PPFIA2: variants seen among roughly 807,000 people sequenced by gnomAD.
PPFIA2 encodes liprin-alpha-2.
Under a neutral mutation model 175.5 loss-of-function variants are expected in PPFIA2, and 46 were observed. The observed-to-expected ratio is 0.26, with a 90% CI of 0.21 to 0.34. PPFIA2 has a LOEUF of 0.34. Ranked by LOEUF, PPFIA2 falls within the 10% of genes least tolerant of loss-of-function variation. The pLI is 1.00. For synonymous variants in PPFIA2, 568 were observed against 511.4 expected (o/e 1.11, Z -1.49); for missense variants, 1,179 against 1,506.1 (o/e 0.78, Z 3.60).
At chr12:81,319,842 A>G (rs2053263139) in intron 22 of PPFIA2, among the ~76,000 whole-genome samples, 1 of 151,822 alleles carries the variant, frequency 6.6e-6, no homozygotes, top group Non-Finnish European at 1.5e-5. Flanking sequence ...TGTTTCTGTA[A>G]TCTGTGAGAT....
chr12:81,300,035 T>G (rs2047429714), intron 22 of PPFIA2, among the ~76,000 whole-genome samples: 1 of 152,206 alleles, frequency 6.6e-6, no homozygotes, highest in East Asian at 1.9e-4. Flanking sequence ...CACTACTGTT[T>G]TAATGAAATT....
At chr12:81,271,659 T>A (rs1425755255) in intron 28 of PPFIA2, among the ~76,000 whole-genome samples, 1 of 152,218 alleles carries the variant, frequency 6.6e-6, no homozygotes, top group Admixed American at 6.5e-5. Context: ...GAGTCTACTA[T>A]AAATTATTCC....
intron 3 of PPFIA2, among the ~76,000 whole-genome samples, chr12:81,680,397 C>T (rs2073384914): frequency 6.6e-6 from 1 of 151,890 alleles, no homozygotes; most frequent in Non-Finnish European, 1.5e-5. Flanking sequence ...TATCATAGAG[C>T]TATTAAGAAA....
At chr12:81,637,856 T>C (rs773279747) in intron 4 of PPFIA2, among the ~76,000 whole-genome samples, 2 of 152,244 alleles carry the variant, frequency 1.3e-5, no homozygotes, top group Non-Finnish European at 2.9e-5. Flanking sequence ...AAAAGCACAG[T>C]TTCAAATTAT....
At chr12:81,340,164 C>T (rs10862296) in intron 20 of PPFIA2, among the ~76,000 whole-genome samples, 54,450 of 151,754 alleles carry the variant, frequency 0.36, 10,641 homozygotes, top group East Asian at 0.54. Context: ...TTGAAATATA[C>T]TCTTTTTTGG....
chr12:81,275,557 A>G (rs1479944877), intron 28 of PPFIA2, among the ~76,000 whole-genome samples: 1 of 152,216 alleles, frequency 6.6e-6, no homozygotes, highest in East Asian at 1.9e-4. Flanking sequence ...AATATATACT[A>G]CTTTCTTATC....
chr12:81,321,271 G>T (rs142560419), intron 22 of PPFIA2, among the ~76,000 whole-genome samples: 3 of 152,174 alleles, frequency 2.0e-5, no homozygotes, highest in African/African-American at 7.2e-5. Flanking sequence ...TAAGGAATTT[G>T]CCACTTGCCC....
At chr12:81,362,915 T>A (rs1413531403) in intron 14 of PPFIA2, 131 bp from the exon 15 acceptor site, 1 of 511,822 alleles carries the variant, frequency 2.0e-6, no homozygotes, top group African/African-American at 1.9e-5. Context: ...TTACACATAA[T>A]AATAAAGCAC....
At chr12:81,594,290 C>T (rs958247538) in intron 4 of PPFIA2, among the ~76,000 whole-genome samples, 2 of 152,084 alleles carry the variant, frequency 1.3e-5, no homozygotes, top group Non-Finnish European at 2.9e-5. Flanking sequence ...TGTTTCCAAA[C>T]CTATAGTAAA....
At chr12:81,469,037 T>C (rs914614510) in intron 4 of PPFIA2, among the ~76,000 whole-genome samples, 3 of 152,168 alleles carry the variant, frequency 2.0e-5, no homozygotes, top group Non-Finnish European at 4.4e-5. Flanking sequence ...TAGAGGCGTA[T>C]GAGAGTTCTG....
chr12:81,340,510 C>T (rs142450032), intron 20 of PPFIA2, among the ~76,000 whole-genome samples: 135 of 152,126 alleles, frequency 8.9e-4, no homozygotes, highest in African/African-American at 3.1e-3. Flanking sequence ...ATGGATAAGA[C>T]AGTATAAAGA....
At chr12:81,660,744 G>A (rs193124652) in intron 4 of PPFIA2, among the ~76,000 whole-genome samples, 184 of 152,228 alleles carry the variant, frequency 1.2e-3, no homozygotes, top group Non-Finnish European at 1.4e-3. Context: ...ACACATAATC[G>A]TCAGATTCAC....
chr12:81,463,222 A>AG (rs1291255279), intron 4 of PPFIA2, among the ~76,000 whole-genome samples: 1 of 152,128 alleles, frequency 6.6e-6, no homozygotes, highest in African/African-American at 2.4e-5. Context: ...TGAGTGAAAA[A>AG]GGTAAGAAAC....
intron 5 of PPFIA2, among the ~76,000 whole-genome samples, chr12:81,450,089 G>T (rs1230049972): frequency 6.6e-6 from 1 of 152,098 alleles, no homozygotes; most frequent in Admixed American, 6.5e-5. Context: ...GAATAGTGCT[G>T]CAATAAACAT....
rs528196499 is a variant in PPFIA2 at position 81,584,778 on chromosome 12, TA to T, written c.303+92012del. 7.6e-4 allele frequency among the ~76,000 whole-genome samples: 104 copies of T among 136,258 alleles called. 4 individuals carry two copies. The South Asian group carries it at 0.021, about 27-fold the overall frequency. 89.4% of individuals were successfully genotyped at this position (136,258 alleles called of 152,430 possible). On this transcript the variant is annotated intron_variant, in intron 4 of 32. Coordinates refer to ENST00000549396, the MANE Select transcript of PPFIA2 (RefSeq NM_003625.5). ...ATGGTAAATATATAGCATAAAAGAATAAAAAGCATTATATATAATATATATA... is the reference window on the plus strand; with the variant it reads ...ATGGTAAATATATAGCATAAAAGAATAAAAGCATTATATATAATATATATA...
intron 4 of PPFIA2, among the ~76,000 whole-genome samples, chr12:81,609,470 T>G (rs2060664590): frequency 6.6e-6 from 1 of 152,168 alleles, no homozygotes; most frequent in Non-Finnish European, 1.5e-5. Context: ...GTTGGGTATG[T>G]ATACATTTAG....
chr12:81,698,354 C>T lies in PPFIA2; in HGVS notation c.250-21510G>A, dbSNP rs189315643. ...AAGTTTCTGATAAAAGTGAGTTTAG[C>T]CCCCTCATGCTCTCACTCTTAAACA... On this transcript the variant is annotated intron_variant, in intron 3 of 32. Transcript: ENST00000549396. Among the ~76,000 whole-genome samples the T allele has an allele frequency of 2.6e-5, 4 of 152,166 alleles. No individual in the cohort carries two copies. The East Asian group carries it at 5.8e-4, about 22-fold the overall frequency.
intron 3 of PPFIA2, among the ~76,000 whole-genome samples, chr12:81,689,667 C>T (rs532324083): frequency 6.6e-6 from 1 of 152,114 alleles, no homozygotes; most frequent in Non-Finnish European, 1.5e-5. Context: ...GCTCCCCCTC[C>T]CCAAAATACA....
intron 22 of PPFIA2, among the ~76,000 whole-genome samples, chr12:81,305,591 G>A (rs1319712030): frequency 6.6e-6 from 1 of 151,936 alleles, no homozygotes; most frequent in African/African-American, 2.4e-5. Flanking sequence ...TCTCCATTTG[G>A]AATGGCCTTT....
Sources: gnomAD v4.1 joint callset for allele counts (sites outside exome capture counted in the v4.1 genomes callset) on GRCh38, gnomAD v4.1.1 for gene constraint, MANE v1.5 for transcripts, NCBI Gene and HGNC (gene_info 2026-07-23, HGNC 2026-07-21) for gene names.